SLC35F1: variants seen among roughly 807,000 people sequenced by gnomAD.
The protein encoded by SLC35F1 is chromosome 6 open reading frame 169.
In SLC35F1, 14 loss-of-function variants were observed where a neutral mutation model predicts 48.7. That is an observed-to-expected ratio of 0.29 (90% CI 0.19 to 0.45). SLC35F1 has a LOEUF of 0.45. Ranked by LOEUF, SLC35F1 falls within the 20% of genes least tolerant of loss-of-function variation. The pLI is 1.00. For missense variants in SLC35F1, 404 were observed against 500.0 expected (o/e 0.81, Z 1.83); for synonymous variants, 190 against 202.2 (o/e 0.94, Z 0.51).
At chr6:118,269,922 G>A (rs1462230834) in intron 4 of SLC35F1, among the ~76,000 whole-genome samples, 1 of 152,128 alleles carries the variant, frequency 6.6e-6, no homozygotes, top group East Asian at 1.9e-4. Context: ...CTGCCACTTG[G>A]GAGGCTGAGG....
chr6:117,938,508 G>T (rs558359603), intron 1 of SLC35F1, among the ~76,000 whole-genome samples: 1 of 152,224 alleles, frequency 6.6e-6, no homozygotes, highest in South Asian at 2.1e-4. Flanking sequence ...TCTCTGCAGG[G>T]CTCACTGCCC....
intron 1 of SLC35F1, among the ~76,000 whole-genome samples, chr6:118,037,078 G>A (rs1562270696): frequency 6.6e-6 from 1 of 152,088 alleles, no homozygotes; most frequent in Non-Finnish European, 1.5e-5. Flanking sequence ...GGTAATACAT[G>A]TTGTCTTGAA....
chr6:118,171,965 A>G (rs990244621), intron 2 of SLC35F1, among the ~76,000 whole-genome samples: 3 of 152,218 alleles, frequency 2.0e-5, no homozygotes, highest in African/African-American at 7.2e-5. Flanking sequence ...ATAATAATAT[A>G]GGAATTTATA....
intron 1 of SLC35F1, among the ~76,000 whole-genome samples, chr6:117,964,224 T>C (rs181405870): frequency 6.6e-6 from 1 of 152,328 alleles, no homozygotes; most frequent in East Asian, 1.9e-4. Context: ...CAGTCTATCA[T>C]TGATGTTGCC....
chr6:118,079,267 CAT>C (rs1772870389), intron 1 of SLC35F1, among the ~76,000 whole-genome samples: 2 of 152,312 alleles, frequency 1.3e-5, no homozygotes, highest in Admixed American at 1.3e-4. Flanking sequence ...TAAATGGAAT[CAT>C]ATCAAATCTT....
intron 2 of SLC35F1, among the ~76,000 whole-genome samples, chr6:118,156,467 T>C (rs1774142959): frequency 2.0e-5 from 3 of 151,984 alleles, no homozygotes; most frequent in African/African-American, 4.8e-5. Flanking sequence ...AGGTGGGAAT[T>C]GAACAATGAG....
intron 1 of SLC35F1, among the ~76,000 whole-genome samples, chr6:118,033,567 A>G (rs1772083370): frequency 6.6e-6 from 1 of 152,120 alleles, no homozygotes; most frequent in Non-Finnish European, 1.5e-5. Flanking sequence ...TGAGGAAACA[A>G]CAGGGCCACA....
At chr6:118,003,950 G>T (rs1777140821) in intron 1 of SLC35F1, among the ~76,000 whole-genome samples, 1 of 152,172 alleles carries the variant, frequency 6.6e-6, no homozygotes, top group South Asian at 2.1e-4. Context: ...TAGGGATAGT[G>T]ATATCTTGGC....
chr6:118,013,097 A>G (rs1355639713), intron 1 of SLC35F1, among the ~76,000 whole-genome samples: 3 of 152,104 alleles, frequency 2.0e-5, no homozygotes, highest in Non-Finnish European at 4.4e-5. Flanking sequence ...CAGCTCAATG[A>G]AGAGTTGTTC....
At chr6:118,138,034 C>T (rs1773823125) in intron 1 of SLC35F1, among the ~76,000 whole-genome samples, 1 of 152,068 alleles carries the variant, frequency 6.6e-6, no homozygotes, top group Non-Finnish European at 1.5e-5. Flanking sequence ...GAGGGTCAGG[C>T]TCAGTGGCTC....
At chr6:117,999,241 C>T in intron 1 of SLC35F1, 1 of 1,596,304 alleles carries the variant, frequency 6.3e-7, no homozygotes, top group Admixed American at 1.7e-5. Context: ...CAAAGGGAGT[C>T]AGCTGCAAGC....
intron 6 of SLC35F1, among the ~76,000 whole-genome samples, 162 bp from the exon 7 acceptor site, chr6:118,285,022 G>T (rs548657369): frequency 6.6e-6 from 1 of 151,952 alleles, no homozygotes; most frequent in Non-Finnish European, 1.5e-5. Flanking sequence ...TTTAATTTTT[G>T]TACTGTGTTA....
At chr6:118,207,778 T>C (rs1774954508) in intron 2 of SLC35F1, among the ~76,000 whole-genome samples, 1 of 152,194 alleles carries the variant, frequency 6.6e-6, no homozygotes, top group Non-Finnish European at 1.5e-5. Context: ...TCATCTAAAC[T>C]ATGACTTACT....
chr6:117,913,906 C>T (rs2114795304), intron 1 of SLC35F1, among the ~76,000 whole-genome samples: 1 of 152,122 alleles, frequency 6.6e-6, no homozygotes, highest in African/African-American at 2.4e-5. Flanking sequence ...CAAAAATTAT[C>T]TGGGCGTGGT....
intron 7 of SLC35F1, among the ~76,000 whole-genome samples, chr6:118,302,558 A>G (rs1776265843): frequency 6.6e-6 from 1 of 152,290 alleles, no homozygotes; most frequent in African/African-American, 2.4e-5. Context: ...ACACATATAG[A>G]TGGTTATGAA....
At position 118,116,272 on chromosome 6, in the gene SLC35F1, G is replaced by A. The variant is rs1002990001; in HGVS notation, c.174-38173G>A. ...GCCTGCTACTCAACCATAAGTTATCGGCAGATTTGTTTAGGAAAGCATACC... is the reference window on the plus strand; with the variant it reads ...GCCTGCTACTCAACCATAAGTTATCAGCAGATTTGTTTAGGAAAGCATACC... On this transcript the variant is annotated intron_variant, in intron 1 of 7. Transcript: ENST00000360388. 6.6e-5 allele frequency among the ~76,000 whole-genome samples: 10 copies of A among 152,216 alleles called. No homozygotes were observed. The East Asian group carries it at 1.2e-3, about 18-fold the overall frequency.
rs1329427618 is a variant in SLC35F1, at chr6:118,277,511, A to G, written c.812A>G (p.Lys271Arg). The G allele has an allele frequency of 6.2e-7, 1 of 1,614,112 alleles. No individual in the cohort carries two copies. The highest frequency in any genetic ancestry group is 8.5e-7 in the Non-Finnish European group (1 of 1,179,930). The change falls in exon 6 of 8, where the codon AAG becomes AGG. Residue 271 changes from lysine to arginine, a missense_variant. This residue lies in a region of SLC35F1 where 306 missense variants were observed against 419.1 expected (regional missense o/e 0.73). Coordinates refer to ENST00000360388, the MANE Select transcript of SLC35F1 (RefSeq NM_001029858.4). ...SGIQLAIMEH[K>R]ELLKVPWDWQ... ...ATTTGCAGAGCTATAATGGAGCATA[A>G]GGAACTGTTGAAGGTGCCCTGGGAC...
At chr6:118,124,998 G>A (rs1334747355) in intron 1 of SLC35F1, among the ~76,000 whole-genome samples, 1 of 152,092 alleles carries the variant, frequency 6.6e-6, no homozygotes, top group Non-Finnish European at 1.5e-5. Context: ...CAAAAGAAAT[G>A]CTGGAAGGAT....
At chr6:118,055,698 G>A (rs1205296800) in intron 1 of SLC35F1, among the ~76,000 whole-genome samples, 3 of 152,180 alleles carry the variant, frequency 2.0e-5, no homozygotes, top group East Asian at 1.9e-4. Context: ...GAGAAAAGGA[G>A]AAAGGCAAAG....
Sources: allele counts gnomAD v4.1 joint callset (sites outside exome capture counted in the v4.1 genomes callset), GRCh38; gene constraint gnomAD v4.1.1; regional missense constraint gnomAD v4.1.1; transcripts MANE v1.5; gene names NCBI Gene and HGNC (gene_info 2026-07-23, HGNC 2026-07-21).